The following SLC9A2 variants were observed in gnomAD, a reference collection of about 807,000 sequenced individuals.
The protein encoded by SLC9A2 is solute carrier family 9 member A2.
A neutral mutation model predicts 71.7 loss-of-function variants in SLC9A2; 42 were observed. That is an observed-to-expected ratio of 0.59 (90% CI 0.46 to 0.76). The LOEUF (loss-of-function observed/expected upper bound fraction) is 0.76, where lower values mean the gene tolerates loss of function less well. SLC9A2 is among the 30% of genes least tolerant of loss of function. The pLI is 0.00. For missense variants in SLC9A2, 829 were observed against 1,017.4 expected (o/e 0.81, Z 2.52); for synonymous variants, 396 against 392.5 (o/e 1.01, Z -0.10).
chr2:102,683,419 A>G lies in SLC9A2; in HGVS notation c.1163A>G (p.Glu388Gly), dbSNP rs892851421. The G allele has an allele frequency of 1.2e-6, 2 of 1,614,204 alleles. No individual in the cohort carries two copies. Among genetic ancestry groups the G allele is most frequent in the Non-Finnish European group, 1.7e-6 (2 of 1,180,026 alleles). The stretch of plus-strand genomic sequence containing the variant: ...GTGTCTACCGTGGGCAAGAACCACG[A>G]GTGGAACTGGGCCTTCGTCTGCTTC... ...MGVSTVGKNH[E>G]WNWAFVCFTL... Residue 388 changes from glutamate to glycine, a missense_variant, in exon 4 of 12, where the codon GAG becomes GGG. Glu to Gly is a moderately conservative substitution (Grantham distance 98, BLOSUM62 -2). This residue lies in a region of SLC9A2 where 500 missense variants were observed against 726.3 expected (regional missense o/e 0.69). Coordinates refer to ENST00000233969, the MANE Select transcript of SLC9A2 (RefSeq NM_003048.6).
chr2:102,657,628 A>G lies in SLC9A2; in HGVS notation c.354A>G (p.Gly118=). 1 of 1,614,020 alleles carries G rather than the reference A, an allele frequency of 6.2e-7. No homozygotes were observed. Residue 118 remains glycine (G), a synonymous_variant, in exon 2 of 12, where the codon GGA becomes GGG. Transcript: ENST00000233969. ...VPESCLLIMV[G]LLLGGIIFGV... is the part of the protein sequence containing the mutation. ...AGAGCTGCCTTCTTATAATGGTTGG[A>G]CTTCTACTAGGTGGGATTATTTTTG...
chr2:102,670,043 T>TTC (rs1352766303), intron 3 of SLC9A2, among the ~76,000 whole-genome samples: 1 of 150,878 alleles, frequency 6.6e-6, no homozygotes, highest in East Asian at 1.9e-4. Context: ...TATTTTTTAT[T>TTC]TTTTTTGAGA....
chr2:102,637,472 G>A (rs1423391183), intron 1 of SLC9A2, among the ~76,000 whole-genome samples: 2 of 152,198 alleles, frequency 1.3e-5, no homozygotes, highest in Non-Finnish European at 2.9e-5. Flanking sequence ...CTGTCCAGTG[G>A]GTGTGGTGTG....
In SLC9A2 at chr2:102,708,252, G is replaced by A. The variant is rs771151877; in HGVS notation, c.2202G>A (p.Glu734=). The change falls in exon 12 of 12, where the codon GAG becomes GAA. Residue 734 remains glutamate (E), a synonymous_variant. Transcript: ENST00000233969. The stretch of plus-strand genomic sequence containing the variant: ...CCTATAAAATGGAATGGAAGAATGA[G>A]GTAGATGTTGATTCTGGCCGAGATA... The part of the protein sequence containing the change: ...PQSYKMEWKN[E]VDVDSGRDMP... 3.6e-5 allele frequency: 58 copies of A among 1,614,064 alleles called. No individual in the cohort carries two copies. The highest frequency in any genetic ancestry group is 1.6e-4 in the South Asian group (15 of 91,086).
At chr2:102,678,235 C>T (rs1416676933) in intron 3 of SLC9A2, among the ~76,000 whole-genome samples, 1 of 151,944 alleles carries the variant, frequency 6.6e-6, no homozygotes, top group East Asian at 1.9e-4. Context: ...CTTCCTAGAT[C>T]CCAGCACAGA....
chr2:102,648,446 C>T (rs527648715), intron 1 of SLC9A2, among the ~76,000 whole-genome samples: 3 of 152,132 alleles, frequency 2.0e-5, no homozygotes, highest in Non-Finnish European at 4.4e-5. Context: ...GACAAGGATG[C>T]CCTCTCTCGC....
At chr2:102,668,089 A>T (rs973701265) in intron 3 of SLC9A2, among the ~76,000 whole-genome samples, 1 of 145,282 alleles carries the variant, frequency 6.9e-6, no homozygotes, top group African/African-American at 2.7e-5. Context: ...ACTAAAAAAT[A>T]AAAAAAAAAC....
intron 1 of SLC9A2, among the ~76,000 whole-genome samples, chr2:102,650,477 A>G (rs1676811090): frequency 6.6e-6 from 1 of 152,230 alleles, no homozygotes; most frequent in African/African-American, 2.4e-5. Context: ...TGTATCCCGG[A>G]AATTAAAGTA....
intron 1 of SLC9A2, among the ~76,000 whole-genome samples, chr2:102,652,846 C>T (rs191011356): frequency 1.4e-3 from 213 of 152,210 alleles, no homozygotes; most frequent in African/African-American, 4.9e-3. Flanking sequence ...TGATATATTT[C>T]TTGATAATAT....
intron 1 of SLC9A2, among the ~76,000 whole-genome samples, chr2:102,644,387 G>A (rs897862124): frequency 2.0e-5 from 3 of 152,160 alleles, no homozygotes; most frequent in African/African-American, 7.2e-5. Flanking sequence ...AAAACTAGGT[G>A]GCTGTTTGGG....
intron 2 of SLC9A2, 40 bp downstream of exon 2, chr2:102,658,067 G>A: frequency 4.7e-6 from 7 of 1,496,932 alleles, no homozygotes; most frequent in Non-Finnish European, 5.5e-6. Flanking sequence ...ACAGGTGGGG[G>A]CTGCCCAGCC....
At chr2:102,681,649 A>G (rs1677454665) in intron 3 of SLC9A2, among the ~76,000 whole-genome samples, 1 of 152,230 alleles carries the variant, frequency 6.6e-6, no homozygotes, top group Non-Finnish European at 1.5e-5. Context: ...GTTGAATTTT[A>G]TTAGCACATT....
At chr2:102,643,376 G>A (rs1028069961) in intron 1 of SLC9A2, among the ~76,000 whole-genome samples, 35 of 152,258 alleles carry the variant, frequency 2.3e-4, no homozygotes, top group African/African-American at 6.0e-4. Context: ...TGGGGCCACC[G>A]TTTCTTCTGT....
chr2:102,689,069 A>T (rs1677610014), intron 5 of SLC9A2, among the ~76,000 whole-genome samples: 1 of 152,190 alleles, frequency 6.6e-6, no homozygotes, highest in Non-Finnish European at 1.5e-5. Context: ...TTACTATTTC[A>T]TGAATGCTAC....
intron 2 of SLC9A2, among the ~76,000 whole-genome samples, chr2:102,658,984 A>G (rs541879983): frequency 7.2e-5 from 11 of 152,322 alleles, no homozygotes; most frequent in African/African-American, 2.4e-4. Context: ...AGGTCTCTAT[A>G]ACAAATTATG....
At chr2:102,648,186 A>G (rs538990927) in intron 1 of SLC9A2, among the ~76,000 whole-genome samples, 3 of 152,338 alleles carry the variant, frequency 2.0e-5, no homozygotes, top group African/African-American at 4.8e-5. Context: ...GGCTGGTTCA[A>G]CATACACAAG....
At chr2:102,646,987 C>T (rs537588758) in intron 1 of SLC9A2, among the ~76,000 whole-genome samples, 14 of 152,036 alleles carry the variant, frequency 9.2e-5, no homozygotes, top group Non-Finnish European at 2.1e-4. Flanking sequence ...GAACTCTCCA[C>T]CCCAAATCAA....
At chr2:102,694,542 GA>G in intron 6 of SLC9A2, 39 bp downstream of exon 6, 1 of 1,064,656 alleles carries the variant, frequency 9.4e-7, no homozygotes, top group Non-Finnish European at 1.4e-6. Context: ...AATGATAAAG[GA>G]AAAATATTTG....
chr2:102,688,258 C>G (rs932668767), intron 5 of SLC9A2, among the ~76,000 whole-genome samples: 1 of 151,976 alleles, frequency 6.6e-6, no homozygotes, highest in African/African-American at 2.4e-5. Flanking sequence ...TAGAGTAAGA[C>G]TATTGTGGGT....
Sources: gnomAD v4.1 joint callset for allele counts (sites outside exome capture counted in the v4.1 genomes callset) on GRCh38, gnomAD v4.1.1 for gene constraint, gnomAD v4.1.1 regional missense constraint, MANE v1.5 for transcripts, NCBI Gene and HGNC (gene_info 2026-07-23, HGNC 2026-07-21) for gene names.